The following ZNRF3 variants were observed in gnomAD, a reference collection of about 807,000 sequenced individuals.
ZNRF3 encodes the protein E3 ubiquitin-protein ligase ZNRF3.
In ZNRF3, 23 loss-of-function variants were observed where a neutral mutation model predicts 72.5. The observed-to-expected ratio is 0.32, with a 90% CI of 0.23 to 0.45. The LOEUF is 0.45. ZNRF3 is among the 20% of genes least tolerant of loss of function. The pLI is 1.00. For synonymous variants in ZNRF3, 610 were observed against 545.3 expected (o/e 1.12, Z -1.65); for missense variants, 1,169 against 1,272.1 (o/e 0.92, Z 1.23).
Position 29,053,698 on chromosome 22 carries a change from C to A in ZNRF3, c.*76C>A. The A allele has an allele frequency of 1.4e-6, 2 of 1,471,718 alleles. No homozygotes were observed. Among genetic ancestry groups the A allele is most frequent in the Non-Finnish European group, 1.8e-6 (2 of 1,085,204 alleles). 91.2% of individuals were successfully genotyped at this position (1,471,718 alleles called of 1,614,324 possible). On this transcript the variant is annotated 3_prime_UTR_variant, in exon 9 of 9. Transcript: ENST00000544604. ...ACTGACTTCTTTCAAAAAACAAAAACAAAAAATTTTTTTAGCTTTGACAAA... is the reference window on the plus strand; with the variant it reads ...ACTGACTTCTTTCAAAAAACAAAAAAAAAAAATTTTTTTAGCTTTGACAAA...
chr22:29,043,478 T>C (rs1415029760), intron 4 of ZNRF3, 48 bp downstream of exon 4: 2 of 1,602,370 alleles, frequency 1.2e-6, no homozygotes, highest in Non-Finnish European at 1.7e-6. Flanking sequence ...TCTCTGCTAC[T>C]ACCTGTCCCT....
In ZNRF3 at chr22:28,883,705, C is replaced by T; in HGVS notation, c.-62C>T. On this transcript the variant is annotated 5_prime_UTR_variant, in exon 1 of 9. Transcript: ENST00000544604. This position sits in a 1 kb window ranked among gnomAD's most constrained non-coding sequence, Gnocchi z 5.5. ...GTGAGGCGTCCGCCCGCGTTCGGTC[C>T]TCAGCCGGCCCGCGACTATGCCCGG... The T allele has an allele frequency of 2.0e-6, 2 of 983,964 alleles. No homozygotes were observed. The highest frequency in any genetic ancestry group is 4.5e-5 in the South Asian group (1 of 22,046). The allele number at this position is 983,964 out of a possible 1,614,324, so 61.0% of individuals were successfully genotyped here. A position where few individuals can be genotyped will look rare whatever the true frequency, so the allele number is the denominator to read the frequency against.
At chr22:28,900,937 C>T (rs2123752414) in intron 1 of ZNRF3, among the ~76,000 whole-genome samples, 1 of 151,892 alleles carries the variant, frequency 6.6e-6, no homozygotes, top group Admixed American at 6.6e-5. Context: ...GAGACTGTTC[C>T]TACAACAAAT....
At chr22:28,976,501 T>G (rs1050762403) in intron 1 of ZNRF3, among the ~76,000 whole-genome samples, 1 of 152,214 alleles carries the variant, frequency 6.6e-6, no homozygotes, top group Non-Finnish European at 1.5e-5. Context: ...GTGAGACCCC[T>G]GTCTGAATAA....
chr22:28,913,125 A>G (rs2034349046), intron 1 of ZNRF3, among the ~76,000 whole-genome samples: 1 of 152,236 alleles, frequency 6.6e-6, no homozygotes, highest in Non-Finnish European at 1.5e-5. Flanking sequence ...GAGTATGCCC[A>G]AGATGAGCTT....
At chr22:28,895,535 C>T (rs914142808) in intron 1 of ZNRF3, among the ~76,000 whole-genome samples, 15 of 152,032 alleles carry the variant, frequency 9.9e-5, no homozygotes, top group African/African-American at 3.1e-4. Flanking sequence ...GGCGCAGTGG[C>T]GGGTGCCTGT....
intron 1 of ZNRF3, among the ~76,000 whole-genome samples, chr22:28,948,748 G>C (rs1270179170): frequency 6.6e-6 from 1 of 152,186 alleles, no homozygotes; most frequent in Non-Finnish European, 1.5e-5. Context: ...GGTAGTTTCT[G>C]AAAGATTAGT....
rs912699018 is a variant in ZNRF3 at position 28,918,562 on chromosome 22, G to A, written c.300+34496G>A. 9.2e-5 allele frequency among the ~76,000 whole-genome samples: 14 copies of A among 151,830 alleles called. No individual in the cohort carries two copies. In the East Asian group the frequency reaches 1.2e-3, roughly 13 times the overall value. Reference sequence around the variant, plus strand: ...CGTGTGTGTGTGTGTGTGTGTGTGTGTGTGTGTGTGTGTGTGTGTAAAGTC... The same window carrying A: ...CGTGTGTGTGTGTGTGTGTGTGTGTATGTGTGTGTGTGTGTGTGTAAAGTC... On this transcript the variant is annotated intron_variant, in intron 1 of 8. Coordinates refer to ENST00000544604, the MANE Select transcript of ZNRF3 (RefSeq NM_001206998.2).
chr22:28,896,282 G>A (rs1468407244), intron 1 of ZNRF3, among the ~76,000 whole-genome samples: 2 of 152,116 alleles, frequency 1.3e-5, no homozygotes, highest in Non-Finnish European at 2.9e-5. Flanking sequence ...CTACAGGCGT[G>A]TGCCACCACG....
chr22:28,981,555 T>TA (rs1407581739), intron 1 of ZNRF3, among the ~76,000 whole-genome samples: 6 of 152,132 alleles, frequency 3.9e-5, no homozygotes, highest in Non-Finnish European at 7.4e-5. Context: ...TCTTAAAAAA[T>TA]AAAAATGAAA....
chr22:28,903,120 A>T (rs921592206), intron 1 of ZNRF3, among the ~76,000 whole-genome samples: 1 of 152,126 alleles, frequency 6.6e-6, no homozygotes, highest in Non-Finnish European at 1.5e-5. Context: ...TCCGATTCCC[A>T]GTTCCCTCTG....
intron 1 of ZNRF3, among the ~76,000 whole-genome samples, chr22:28,978,568 C>G (rs117762697): frequency 6.6e-6 from 1 of 152,186 alleles, no homozygotes; most frequent in Admixed American, 6.5e-5. Flanking sequence ...ATAGAATCTG[C>G]TGGAACACTT....
chr22:29,053,627 A>G lies in ZNRF3; in HGVS notation c.*5A>G, dbSNP rs779054124. The G allele has an allele frequency of 1.2e-6, 2 of 1,613,054 alleles. No homozygotes were observed. Among genetic ancestry groups the G allele is most frequent in the Non-Finnish European group, 1.7e-6 (2 of 1,179,470 alleles). ...AGCAGCAGCCCGGGAGCCTGAGCTC[A>G]GGAGGAACTCTTACCTGGAAATTGG... On this transcript the variant is annotated 3_prime_UTR_variant, in exon 9 of 9. Coordinates refer to ENST00000544604, the MANE Select transcript of ZNRF3 (RefSeq NM_001206998.2).
In ZNRF3 at chr22:28,957,629, C is replaced by G. The variant is rs373784065; in HGVS notation, c.301-29447C>G. On this transcript the variant is annotated intron_variant, in intron 1 of 8. Coordinates refer to ENST00000544604, the MANE Select transcript of ZNRF3 (RefSeq NM_001206998.2). Reference sequence around the variant, plus strand: ...TAATTTTTTGTATCTTTAGTAGAGACGGGGTTTCACCATGTTGGCCAGGCT... The same window carrying G: ...TAATTTTTTGTATCTTTAGTAGAGAGGGGGTTTCACCATGTTGGCCAGGCT... Among the ~76,000 whole-genome samples the G allele has an allele frequency of 2.0e-4, 31 of 151,840 alleles. No homozygotes were observed. The South Asian group carries it at 6.3e-3, about 31-fold the overall frequency.
At chr22:29,020,194 T>C (rs1295566941) in intron 2 of ZNRF3, among the ~76,000 whole-genome samples, 4 of 151,356 alleles carry the variant, frequency 2.6e-5, no homozygotes, top group Non-Finnish European at 5.9e-5. Context: ...TAATGCATGG[T>C]TCAGGGAATA....
In ZNRF3 at chr22:29,046,638, A is replaced by G. The variant is rs565954467; in HGVS notation, c.745-78A>G. 5 of 1,384,156 alleles carry G rather than the reference A, an allele frequency of 3.6e-6. No homozygotes were observed. In the East Asian group the frequency reaches 1.0e-4, roughly 28 times the overall value. The allele number at this position is 1,384,156 out of a possible 1,614,324, so 85.7% of individuals were successfully genotyped here. ...GAGAATTGTCTGCCTGTCCCAGTGA[A>G]TCGTGTGTCATGTCCCTGGGGTGAC... On this transcript the variant is annotated intron_variant, in intron 5 of 8. Transcript: ENST00000544604.
At chr22:28,926,410 T>C (rs896030565) in intron 1 of ZNRF3, among the ~76,000 whole-genome samples, 1 of 151,982 alleles carries the variant, frequency 6.6e-6, no homozygotes, top group African/African-American at 2.4e-5. Context: ...CTCGAACTCC[T>C]GGGGTCAAGT....
intron 2 of ZNRF3, among the ~76,000 whole-genome samples, chr22:29,033,901 G>A (rs2036815065): frequency 6.6e-6 from 1 of 152,242 alleles, no homozygotes; most frequent in Non-Finnish European, 1.5e-5. Context: ...GTCCGGGACA[G>A]TGTGCTGTGC....
intron 2 of ZNRF3, among the ~76,000 whole-genome samples, chr22:28,988,539 A>T (rs2035896565): frequency 6.6e-6 from 1 of 152,182 alleles, no homozygotes; most frequent in Non-Finnish European, 1.5e-5. Context: ...CCCCACAGGA[A>T]TTATTAGCTG....
Sources: gnomAD v4.1 joint callset for allele counts (sites outside exome capture counted in the v4.1 genomes callset) on GRCh38, gnomAD v4.1.1 for gene constraint, Gnocchi (gnomAD v3.1) non-coding constraint, MANE v1.5 for transcripts, NCBI Gene and HGNC (gene_info 2026-07-23, HGNC 2026-07-21) for gene names.